GALNTL6: variants seen among roughly 807,000 people sequenced by gnomAD.
GALNTL6 encodes polypeptide N-acetylgalactosaminyltransferase-like 6.
In GALNTL6, 46 loss-of-function variants were observed where a neutral mutation model predicts 73.7. The ratio of observed to expected loss-of-function variants is 0.62; its 90% CI spans 0.49 to 0.80. GALNTL6 has a LOEUF of 0.80. Among genes scored for constraint, GALNTL6 ranks in the 30% least tolerant of loss-of-function variants. The pLI is 0.00. For missense variants in GALNTL6, 604 were observed against 755.0 expected, an observed-to-expected ratio of 0.80 and a Z score of 2.34; for synonymous variants, 259 against 263.7, an observed-to-expected ratio of 0.98 and a Z score of 0.17.
At chr4:172,133,064 T>C (rs1733543053) in intron 2 of GALNTL6, among the ~76,000 whole-genome samples, 1 of 152,218 alleles carries the variant, frequency 6.6e-6, no homozygotes, top group South Asian at 2.1e-4. Context: ...AGAAATGCAC[T>C]TTCAAGTGAC....
chr4:172,215,819 A>G (rs1030691034), intron 2 of GALNTL6, among the ~76,000 whole-genome samples: 1 of 152,070 alleles, frequency 6.6e-6, no homozygotes, highest in Non-Finnish European at 1.5e-5. Flanking sequence ...AGTTTTAACT[A>G]TTTTATATAA....
chr4:172,877,815 T>C (rs571600637), intron 7 of GALNTL6, among the ~76,000 whole-genome samples: 16 of 152,100 alleles, frequency 1.1e-4, no homozygotes, highest in African/African-American at 3.8e-4. Context: ...TTTGTATTAG[T>C]AGCAAAATTC....
chr4:172,717,937 G>A (rs892922205), intron 5 of GALNTL6, among the ~76,000 whole-genome samples: 7 of 152,236 alleles, frequency 4.6e-5, no homozygotes, highest in East Asian at 1.9e-4. Context: ...TACATTTTTC[G>A]TTCTAATGAT....
chr4:172,794,216 A>T lies in GALNTL6; in HGVS notation c.554-15145A>T, dbSNP rs149540475. On this transcript the variant is annotated intron_variant, in intron 5 of 12. Transcript: ENST00000506823. Reference sequence around the variant, plus strand: ...TTTCCATTTTGCAAATACATTTTACACTCTTTTGGGAATTCCTTCTAAAAT... The same window carrying T: ...TTTCCATTTTGCAAATACATTTTACTCTCTTTTGGGAATTCCTTCTAAAAT... Among the ~76,000 whole-genome samples the T allele has an allele frequency of 1.2e-3, 175 of 152,072 alleles. 1 individual carries two copies. The highest frequency in any genetic ancestry group is 4.1e-3 in the African/African-American group (169 of 41,476).
chr4:172,424,804 A>G (rs1207395809), intron 5 of GALNTL6, among the ~76,000 whole-genome samples: 1 of 152,136 alleles, frequency 6.6e-6, no homozygotes, highest in African/African-American at 2.4e-5. Flanking sequence ...GGCCATGACC[A>G]AATGCAAGAG....
At chr4:172,789,416 G>A (rs1035235992) in intron 5 of GALNTL6, among the ~76,000 whole-genome samples, 1 of 152,038 alleles carries the variant, frequency 6.6e-6, no homozygotes, top group Non-Finnish European at 1.5e-5. Context: ...AGATTTTTTT[G>A]CAATTATTTT....
At chr4:172,359,312 T>A (rs946486468) in intron 5 of GALNTL6, among the ~76,000 whole-genome samples, 1 of 152,112 alleles carries the variant, frequency 6.6e-6, no homozygotes, top group Non-Finnish European at 1.5e-5. Context: ...TTCACACTTA[T>A]AAGTGGGAAC....
chr4:171,936,156 C>T (rs1009753551), intron 2 of GALNTL6, among the ~76,000 whole-genome samples: 5 of 152,130 alleles, frequency 3.3e-5, no homozygotes, highest in African/African-American at 1.2e-4. Context: ...ACTAATGTGG[C>T]TCATGGTGTT....
In GALNTL6 at chr4:171,987,051, G is replaced by A. The variant is rs560206989; in HGVS notation, c.138+172333G>A. Among the ~76,000 whole-genome samples the A allele has an allele frequency of 2.8e-3, 426 of 151,926 alleles. 6 individuals are homozygous for A. Among genetic ancestry groups the A allele is most frequent in the Middle Eastern group, 0.024 (7 of 294 alleles). On this transcript the variant is annotated intron_variant, in intron 2 of 12. Transcript: ENST00000506823. ...GGGATGACAAGTTTTTGGGGGCACA[G>A]TCTAAGTTGTTCTGGTGTCTGGAAT... is the stretch of plus-strand genomic sequence containing the variant.
chr4:171,849,062 A>C (rs1027111765), intron 2 of GALNTL6, among the ~76,000 whole-genome samples: 1 of 152,104 alleles, frequency 6.6e-6, no homozygotes, highest in Non-Finnish European at 1.5e-5. Flanking sequence ...TTTCCTTTGC[A>C]TTCACAACTT....
chr4:172,776,071 C>T (rs1266642818), intron 5 of GALNTL6, among the ~76,000 whole-genome samples: 1 of 152,192 alleles, frequency 6.6e-6, no homozygotes, highest in Non-Finnish European at 1.5e-5. Context: ...AGACTCTAAT[C>T]ATAGGATCCA....
intron 12 of GALNTL6, among the ~76,000 whole-genome samples, chr4:173,022,734 A>G (rs1439089691): frequency 1.3e-5 from 2 of 152,242 alleles, no homozygotes; most frequent in Non-Finnish European, 2.9e-5. Context: ...AGTTTCAAAA[A>G]TTATAAAGTT....
chr4:172,575,605 A>T (rs1370430196), intron 5 of GALNTL6, among the ~76,000 whole-genome samples: 1 of 152,272 alleles, frequency 6.6e-6, no homozygotes, highest in South Asian at 2.1e-4. Context: ...TGAAATCTGG[A>T]TCTGTTTAAA....
chr4:172,924,711 G>A (rs1747959494), intron 8 of GALNTL6, among the ~76,000 whole-genome samples: 1 of 152,104 alleles, frequency 6.6e-6, no homozygotes. Flanking sequence ...TCTGGCCAGG[G>A]GAGTGGGAAG....
At chr4:172,670,997 C>T (rs1285915126) in intron 5 of GALNTL6, among the ~76,000 whole-genome samples, 7 of 152,046 alleles carry the variant, frequency 4.6e-5, no homozygotes, top group Admixed American at 2.6e-4. Flanking sequence ...CTATTCTGTT[C>T]CATTGGTCTA....
At chr4:172,417,174 G>A (rs948831409) in intron 5 of GALNTL6, among the ~76,000 whole-genome samples, 1 of 149,240 alleles carries the variant, frequency 6.7e-6, no homozygotes, top group African/African-American at 2.4e-5. Context: ...GTTGCTTTAT[G>A]TGTGTGTGTG....
chr4:172,230,444 GGGTGTGGT>G (rs895588333), intron 3 of GALNTL6, among the ~76,000 whole-genome samples: 4 of 151,974 alleles, frequency 2.6e-5, no homozygotes, highest in African/African-American at 9.7e-5. Flanking sequence ...AAAATTAGCT[GGGTGTGGT>G]GGCGGGCACC....
rs542570125 is a variant in GALNTL6, at chr4:172,923,335, C to T, written c.1042-7826C>T. The stretch of plus-strand genomic sequence containing the variant: ...TGAGGGGAATCCCTCTTTATAAAGC[C>T]GTCAGCTCTCATAAGACTTATTCAC... On this transcript the variant is annotated intron_variant, in intron 8 of 12. Coordinates refer to ENST00000506823, the MANE Select transcript of GALNTL6 (RefSeq NM_001034845.3). Among the ~76,000 whole-genome samples the T allele has an allele frequency of 5.3e-5, 8 of 152,052 alleles. No individual in the cohort carries two copies. In the East Asian group the frequency reaches 7.8e-4, roughly 15 times the overall value.
chr4:172,351,734 A>G (rs1309236277), intron 5 of GALNTL6, among the ~76,000 whole-genome samples: 1 of 152,148 alleles, frequency 6.6e-6, no homozygotes, highest in Non-Finnish European at 1.5e-5. Flanking sequence ...TTGAAAATAC[A>G]GGAAGATATA....
Sources: allele counts gnomAD v4.1 joint callset (sites outside exome capture counted in the v4.1 genomes callset), GRCh38; gene constraint gnomAD v4.1.1; transcripts MANE v1.5; gene names NCBI Gene and HGNC (gene_info 2026-07-23, HGNC 2026-07-21).